ASMTL: variants seen among roughly 807,000 people sequenced by gnomAD.
ASMTL encodes the protein acetylserotonin O-methyltransferase like.
A neutral mutation model predicts 60.3 loss-of-function variants in ASMTL; 57 were observed. That is an observed-to-expected ratio of 0.95 (90% CI 0.76 to 1.18). The LOEUF (loss-of-function observed/expected upper bound fraction) is 1.18, where lower values mean the gene tolerates loss of function less well. ASMTL is among the 50% of genes most tolerant of loss of function. The pLI, the probability that ASMTL is intolerant of heterozygous loss-of-function variation, is 0.00. For missense variants in ASMTL, 981 were observed against 852.6 expected, an observed-to-expected ratio of 1.15 and a Z score of -1.88; for synonymous variants, 419 against 373.0, an observed-to-expected ratio of 1.12 and a Z score of -1.42.
At position 1,403,300 on chromosome X, in the gene ASMTL, T is replaced by C; in HGVS notation, c.1835A>G (p.Asp612Gly). ...VQVVHLGGVLDAILATKVAP is the reference protein window; with the variant it reads ...VQVVHLGGVLGAILATKVAP ...GGCCACTTTGGTGGCCAAGATGGCA[T>C]CCAGGACACCCCCCAAGTGCACCAC... The change falls in exon 13 of 13, where the codon GAT (aspartate) becomes GGT (glycine). Residue 612 changes from aspartate to glycine, a missense_variant. Asp to Gly is a moderately conservative substitution (Grantham distance 94). Transcript: ENST00000381317. 6.2e-7 allele frequency: 1 copy of C among 1,613,040 alleles called. No individual in the cohort carries two copies. Among genetic ancestry groups the C allele is most frequent in the Non-Finnish European group, 8.5e-7 (1 of 1,179,830 alleles).
intron 6 of ASMTL, among the ~76,000 whole-genome samples, chrX:1,428,971 C>A (rs34692847): frequency 0.13 from 19,915 of 150,628 alleles, 1,481 homozygotes; most frequent in Middle Eastern, 0.23. Context: ...ATCTCGGCTC[C>A]CTGCAACCTC....
chrX:1,434,668 G>A, intron 5 of ASMTL, among the ~76,000 whole-genome samples: 1 of 151,506 alleles, frequency 6.6e-6, no homozygotes, highest in Middle Eastern at 3.4e-3. Context: ...GCCGGGCATG[G>A]TGGTGGGCAC....
At chrX:1,410,753 CATG>C (rs2089981577) in intron 12 of ASMTL, among the ~76,000 whole-genome samples, 1 of 3,844 alleles carries the variant, frequency 2.6e-4, no homozygotes, top group Non-Finnish European at 8.1e-4. Context: ...CATGGTGATG[CATG>C]ATGCATGCCT....
chrX:1,425,735 C>G, intron 7 of ASMTL, 48 bp from the exon 8 acceptor site: 1 of 1,581,184 alleles, frequency 6.3e-7, no homozygotes, highest in Non-Finnish European at 8.6e-7. Context: ...TTGTCCAGTA[C>G]TTTCTACTCC....
chrX:1,432,055 C>T, intron 6 of ASMTL: 1 of 595,888 alleles, frequency 1.7e-6, no homozygotes, highest in East Asian at 2.8e-5. Flanking sequence ...CCCACCCTGC[C>T]CCTCTCTGTC....
chrX:1,412,459 C>G (rs2149273534), intron 12 of ASMTL, among the ~76,000 whole-genome samples: 1 of 152,218 alleles, frequency 6.6e-6, no homozygotes, highest in Admixed American at 6.5e-5. Context: ...AACTGCTCAC[C>G]CCGGGTGATC....
chrX:1,443,594 T>A (rs1380485664), intron 1 of ASMTL, among the ~76,000 whole-genome samples: 4 of 43,856 alleles, frequency 9.1e-5, no homozygotes, highest in East Asian at 1.4e-3. Context: ...CACCGCCATC[T>A]TGGACAGACA....
chrX:1,430,880 AAT>A (rs2090753617), intron 6 of ASMTL, among the ~76,000 whole-genome samples: 1 of 135,234 alleles, frequency 7.4e-6, no homozygotes, highest in Admixed American at 7.6e-5. Flanking sequence ...ATAATATAAA[AAT>A]ATATTTTATA....
chrX:1,422,821 C>A (rs1437715858), intron 8 of ASMTL, among the ~76,000 whole-genome samples: 1 of 152,176 alleles, frequency 6.6e-6, no homozygotes, highest in Admixed American at 6.5e-5. Flanking sequence ...GAAGCAGGAG[C>A]AGCCTCTGCA....
chrX:1,411,362 C>G (rs1382050161), intron 12 of ASMTL, among the ~76,000 whole-genome samples: 5 of 152,158 alleles, frequency 3.3e-5, no homozygotes, highest in Admixed American at 6.6e-5. Context: ...TCCAGGAATT[C>G]TCACTGGAGC....
At chrX:1,451,079 C>T (rs5948952) in intron 1 of ASMTL, among the ~76,000 whole-genome samples, 4 of 137,288 alleles carry the variant, frequency 2.9e-5, no homozygotes, top group African/African-American at 8.1e-5. Flanking sequence ...CTAGGGATTC[C>T]GGATCACTCT....
At chrX:1,407,274 GAGATGGATGGATGGCTGAAT>G (rs1431915003) in intron 12 of ASMTL, among the ~76,000 whole-genome samples, 1 of 151,264 alleles carries the variant, frequency 6.6e-6, no homozygotes. Context: ...ATGCATGGAT[GAGATGGATGGATGGCTGAAT>G]AGATGGTACA....
rs1181530066 is a variant in ASMTL at position 1,417,910 on chromosome X, C to CT, written c.1522+62dup. 3.2e-6 allele frequency: 5 copies of CT among 1,543,606 alleles called. No individual in the cohort carries two copies. In the Admixed American group the frequency reaches 9.4e-5, roughly 29 times the overall value. ...ACAGGTGCACACACAGCCATGCCCT[C>CT]TGTCTAGAAAGAGATGCTGCAGTCT... On this transcript the variant is annotated intron_variant, in intron 11 of 12. Transcript: ENST00000381317.
chrX:1,453,000 C>T, upstream of ASMTL: 1 of 574,368 alleles, frequency 1.7e-6, no homozygotes, highest in Non-Finnish European at 2.9e-6. Flanking sequence ...CCTTCAGTGG[C>T]CTCCCCGCGA....
chrX:1,432,324 A>T lies in ASMTL; in HGVS notation c.454T>A (p.Phe152Ile). The T allele has an allele frequency of 1.2e-6, 2 of 1,612,984 alleles. No individual in the cohort carries two copies. The highest frequency in any genetic ancestry group is 1.7e-6 in the Non-Finnish European group (2 of 1,179,670). ...SEFYEETKVK[F>I]SELSEELLWE... ...AGCAGCTCCTCGGACAGCTCCGAGA[A>T]CTTCACCTTCGTTTCCTCGTAGAAT... The change falls in exon 6 of 13, where the codon TTC becomes ATC. Residue 152 changes from phenylalanine (F) to isoleucine (I), a missense_variant. By Grantham distance (21) the Phe-to-Ile change is conservative. Transcript: ENST00000381317.
At chrX:1,435,908 T>G (rs2090952805) in intron 3 of ASMTL, 150 bp from the exon 4 acceptor site, 3 of 714,498 alleles carry the variant, frequency 4.2e-6, no homozygotes, top group Non-Finnish European at 7.7e-6. Flanking sequence ...TAACCAGAGT[T>G]GCCATGTTGT....
At chrX:1,425,407 G>A (rs1477913610) in intron 8 of ASMTL, 118 bp downstream of exon 8, 1 of 1,186,052 alleles carries the variant, frequency 8.4e-7, no homozygotes, top group Non-Finnish European at 1.2e-6. Context: ...CATTCCTGAG[G>A]GCAGAGGGAC....
At chrX:1,413,452 CG>C (rs2149276686) in intron 11 of ASMTL, among the ~76,000 whole-genome samples, 1 of 152,346 alleles carries the variant, frequency 6.6e-6, no homozygotes, top group South Asian at 2.1e-4. Flanking sequence ...GCCGCACTGC[CG>C]GTGAGTGGGC....
chrX:1,435,569 G>A (rs2090939666), intron 4 of ASMTL, 125 bp downstream of exon 4: 4 of 902,400 alleles, frequency 4.4e-6, no homozygotes, highest in Admixed American at 2.0e-5. Flanking sequence ...GCACAGCTCA[G>A]ACAGCACAGC....
Sources: gnomAD v4.1 joint callset for allele counts (sites outside exome capture counted in the v4.1 genomes callset) on GRCh38, gnomAD v4.1.1 for gene constraint, MANE v1.5 for transcripts, NCBI Gene and HGNC (gene_info 2026-07-23, HGNC 2026-07-21) for gene names.